The following CACNA1C variants were observed in gnomAD, a reference collection of about 807,000 sequenced individuals.
CACNA1C encodes voltage-dependent L-type calcium channel subunit alpha-1C.
CACNA1C carries 30 observed loss-of-function variants against 229.0 expected under a neutral mutation model. That is an observed-to-expected ratio of 0.13 (90% CI 0.10 to 0.18). The LOEUF is 0.18. Ranked by LOEUF, CACNA1C falls within the 10% of genes least tolerant of loss-of-function variation. The pLI, the probability that CACNA1C is intolerant of heterozygous loss-of-function variation, is 1.00. For synonymous variants in CACNA1C, 1,114 were observed against 1,132.5 expected, an observed-to-expected ratio of 0.98 and a Z score of 0.33; for missense variants, 1,658 against 2,845.0, an observed-to-expected ratio of 0.58 and a Z score of 9.49.
chr12:2,060,160 C>T (rs2056917539), intron 1 of CACNA1C, among the ~76,000 whole-genome samples: 2 of 152,182 alleles, frequency 1.3e-5, no homozygotes, highest in Admixed American at 6.5e-5. Context: ...CACTTCCTCT[C>T]GGCCCCAATC....
chr12:2,125,939 AAAGAT>A (rs2089838280), intron 3 of CACNA1C, among the ~76,000 whole-genome samples: 1 of 152,236 alleles, frequency 6.6e-6, no homozygotes, highest in Non-Finnish European at 1.5e-5. Context: ...CAGAATTAGA[AAAGAT>A]TCTTCTTTTC....
chr12:2,303,723 C>T (rs1005447131), intron 3 of CACNA1C, among the ~76,000 whole-genome samples: 2 of 152,314 alleles, frequency 1.3e-5, no homozygotes, highest in Admixed American at 1.3e-4. Context: ...AGCTGAATGT[C>T]CATGCTTCTG....
At chr12:2,160,336 A>G (rs114325816) in intron 3 of CACNA1C, among the ~76,000 whole-genome samples, 2,780 of 152,250 alleles carry the variant, frequency 0.018, 51 homozygotes, top group African/African-American at 0.047. Flanking sequence ...CTGAATAAAC[A>G]TGGTAACTGT....
At chr12:2,200,587 C>T (rs752201826) in intron 3 of CACNA1C, among the ~76,000 whole-genome samples, 29 of 152,166 alleles carry the variant, frequency 1.9e-4, no homozygotes, top group Non-Finnish European at 4.0e-4. Flanking sequence ...ACGGTGGTGA[C>T]AGGGCAAGGC....
intron 3 of CACNA1C, among the ~76,000 whole-genome samples, chr12:2,444,539 G>A (rs894512710): frequency 3.3e-5 from 5 of 151,940 alleles, no homozygotes; most frequent in Admixed American, 6.6e-5. Context: ...TCGTTCAGCC[G>A]TCTCCTGCAA....
intron 3 of CACNA1C, among the ~76,000 whole-genome samples, chr12:2,332,954 T>G (rs1457424148): frequency 6.6e-6 from 1 of 152,152 alleles, no homozygotes; most frequent in East Asian, 1.9e-4. Context: ...AAACAACAAA[T>G]AAAGTAGCAA....
At chr12:2,273,061 A>G (rs1321322882) in intron 3 of CACNA1C, among the ~76,000 whole-genome samples, 1 of 152,136 alleles carries the variant, frequency 6.6e-6, no homozygotes, top group Non-Finnish European at 1.5e-5. Flanking sequence ...TCCAATCTAA[A>G]TACAGTTGTC....
At position 2,067,675 on chromosome 12, in the gene CACNA1C, T is replaced by C. The variant is rs2059898046; in HGVS notation, c.49+14064T>C. On this transcript the variant is annotated intron_variant, in intron 1 of 46. Transcript: ENST00000399655. This position sits in a 1 kb window ranked among gnomAD's most constrained non-coding sequence, Gnocchi z 5.3. ...ATGGGAGGACTGGTGGAGGTGGACG[T>C]CAGACACCAGGCTTCCCACAGACTG... Among the ~76,000 whole-genome samples, 1 of 151,964 alleles carries C rather than the reference T, an allele frequency of 6.6e-6. No homozygotes were observed. The highest frequency in any genetic ancestry group is 6.6e-5 in the Admixed American group (1 of 15,256).
Position 2,354,633 on chromosome 12 carries a change from C to G in CACNA1C, c.478-94343C>G, listed in dbSNP as rs946461184. The stretch of plus-strand genomic sequence containing the variant: ...GGGAGAGCCCAGGAACGGAGTCCAT[C>G]CTTTCTCCTGGCCTCCAGGGAGAGC... On this transcript the variant is annotated intron_variant, in intron 3 of 46. Coordinates refer to ENST00000399655, the MANE Select transcript of CACNA1C (RefSeq NM_000719.7). The surrounding 1 kb of genome is among the most constrained non-coding windows in gnomAD (Gnocchi z 4.6). Among the ~76,000 whole-genome samples the G allele has an allele frequency of 6.6e-6, 1 of 152,162 alleles. No individual in the cohort carries two copies. Among genetic ancestry groups the G allele is most frequent in the African/African-American group, 2.4e-5 (1 of 41,428 alleles).
At chr12:2,120,656 CTGTGTG>C (rs112680750) in intron 3 of CACNA1C, among the ~76,000 whole-genome samples, 147 of 139,848 alleles carry the variant, frequency 1.1e-3, no homozygotes, top group African/African-American at 2.4e-3. Context: ...GTGGTGAGCT[CTGTGTG>C]TGTGTGTGTG....
chr12:2,256,121 A>C (rs114310140), intron 3 of CACNA1C, among the ~76,000 whole-genome samples: 1 of 125,392 alleles, frequency 8.0e-6, no homozygotes, highest in Non-Finnish European at 1.7e-5. Flanking sequence ...CACACAACTC[A>C]GGGATGGGGT....
intron 43 of CACNA1C, 47 bp downstream of exon 43, chr12:2,682,725 A>C (rs762895581): frequency 6.3e-7 from 1 of 1,584,086 alleles, no homozygotes; most frequent in Admixed American, 1.7e-5. Flanking sequence ...TGTGGGAACA[A>C]ATGTGGGGAG....
intron 5 of CACNA1C, among the ~76,000 whole-genome samples, chr12:2,481,226 C>T (rs1435799560): frequency 1.3e-5 from 2 of 152,124 alleles, no homozygotes; most frequent in African/African-American, 2.4e-5. Context: ...GTTGTCAGCC[C>T]TCGTCAGTCA....
chr12:2,593,133 T>A (rs1007602315), intron 18 of CACNA1C, 80 bp from the exon 19 acceptor site: 49 of 1,473,240 alleles, frequency 3.3e-5, no homozygotes, highest in Non-Finnish European at 4.4e-5. Flanking sequence ...TAATCATGTC[T>A]GCCAGTAGGA....
intron 1 of CACNA1C, among the ~76,000 whole-genome samples, chr12:2,073,494 G>A (rs1003459744): frequency 1.3e-5 from 2 of 152,184 alleles, no homozygotes; most frequent in African/African-American, 4.8e-5. Context: ...GTGTCTTGGA[G>A]GAGCTGGGCT....
At chr12:2,014,252 A>G (rs1178091773) in intron 1 of CACNA1C, among the ~76,000 whole-genome samples, 3 of 146,910 alleles carry the variant, frequency 2.0e-5, no homozygotes, top group African/African-American at 7.8e-5. Context: ...AGAAAACAAC[A>G]AACTGTCAGA....
At chr12:2,564,595 C>T (rs558087648) in intron 11 of CACNA1C, among the ~76,000 whole-genome samples, 1 of 152,278 alleles carries the variant, frequency 6.6e-6, no homozygotes, top group African/African-American at 2.4e-5. Flanking sequence ...TAACTGACCC[C>T]TCTGCCTGGA....
chr12:2,586,926 C>G (rs896054587), intron 18 of CACNA1C, among the ~76,000 whole-genome samples: 1 of 152,154 alleles, frequency 6.6e-6, no homozygotes, highest in Admixed American at 6.5e-5. Flanking sequence ...TCTTAAAACC[C>G]CTTCTAGGGT....
At chr12:2,521,833 A>G (rs2099810578) in intron 9 of CACNA1C, among the ~76,000 whole-genome samples, 3 of 152,018 alleles carry the variant, frequency 2.0e-5, no homozygotes, top group South Asian at 4.2e-4. Flanking sequence ...AATGCAGCCA[A>G]GTTCATATTT....
Sources: gnomAD v4.1 joint callset for allele counts (sites outside exome capture counted in the v4.1 genomes callset) on GRCh38, gnomAD v4.1.1 for gene constraint, Gnocchi (gnomAD v3.1) non-coding constraint, MANE v1.5 for transcripts, NCBI Gene and HGNC (gene_info 2026-07-23, HGNC 2026-07-21) for gene names.